RBPJ: variants seen among roughly 807,000 people sequenced by gnomAD.
The protein encoded by RBPJ is recombination signal binding protein for immunoglobulin kappa J region, also known as recombining binding protein suppressor of hairless.
Under a neutral mutation model 67.8 loss-of-function variants are expected in RBPJ, and 9 were observed. That is an observed-to-expected ratio of 0.13 (90% CI 0.08 to 0.23). The LOEUF is 0.23. Among genes scored for constraint, RBPJ ranks in the 10% least tolerant of loss-of-function variants. The pLI, the probability that RBPJ is intolerant of heterozygous loss-of-function variation, is 1.00. For missense variants in RBPJ, 305 were observed against 595.6 expected, an observed-to-expected ratio of 0.51 and a Z score of 5.08; for synonymous variants, 198 against 203.3, an observed-to-expected ratio of 0.97 and a Z score of 0.22.
At chr4:26,249,014 A>G (rs1404244930) in intron 1 of RBPJ, among the ~76,000 whole-genome samples, 2 of 152,234 alleles carry the variant, frequency 1.3e-5, no homozygotes, top group Non-Finnish European at 2.9e-5. Flanking sequence ...CAAGGTTTCA[A>G]AATATGAATT....
At chr4:26,186,707 G>A (rs1166320862) in intron 1 of RBPJ, among the ~76,000 whole-genome samples, 2 of 152,018 alleles carry the variant, frequency 1.3e-5, no homozygotes, top group Non-Finnish European at 2.9e-5. Context: ...TCTAGTATTC[G>A]CTAAAAAACA....
chr4:26,331,696 G>A (rs1724281977), intron 1 of RBPJ, among the ~76,000 whole-genome samples: 1 of 152,162 alleles, frequency 6.6e-6, no homozygotes, highest in Non-Finnish European at 1.5e-5. Context: ...CCTCCTCACT[G>A]CACACCTCCT....
chr4:26,419,454 C>T (rs1734907950), intron 4 of RBPJ, among the ~76,000 whole-genome samples: 1 of 152,042 alleles, frequency 6.6e-6, no homozygotes, highest in African/African-American at 2.4e-5. Flanking sequence ...TAAACTATTG[C>T]AGTAGTTTTG....
At chr4:26,356,898 TA>T (rs1280293778) in intron 1 of RBPJ, among the ~76,000 whole-genome samples, 1 of 152,230 alleles carries the variant, frequency 6.6e-6, no homozygotes, top group Non-Finnish European at 1.5e-5. Context: ...TTTTATCATA[TA>T]GCAGTGTCTG....
intron 1 of RBPJ, chr4:26,362,506 G>T (rs1728169937): frequency 7.1e-6 from 11 of 1,549,552 alleles, no homozygotes; most frequent in Non-Finnish European, 9.6e-6. Context: ...GAACCATTAT[G>T]ATCTCAAAAC....
chr4:26,388,545 A>G lies in RBPJ; in HGVS notation c.59+2154A>G, dbSNP rs150413932. On this transcript the variant is annotated intron_variant, in intron 2 of 10. Coordinates refer to ENST00000355476, the MANE Select transcript of RBPJ (RefSeq NM_015874.6). ...GGGTAGGATTTGGCCTACAGACTGT[A>G]ATTAGTAGAACCTGAGCTAGAGGAG... Among the ~76,000 whole-genome samples, 38 of 152,264 alleles carry G rather than the reference A, an allele frequency of 2.5e-4. No homozygotes were observed. The East Asian group carries it at 6.4e-3, about 26-fold the overall frequency.
At chr4:26,156,576 T>C in the RBPJ span, among the ~76,000 whole-genome samples, 3 of 151,606 alleles carry the variant, frequency 2.0e-5, no homozygotes, top group East Asian at 5.8e-4. Flanking sequence ...CCACCACTCA[T>C]GTCCAGCTAA....
chr4:26,252,979 C>T (rs1720163247), intron 1 of RBPJ, among the ~76,000 whole-genome samples: 2 of 152,136 alleles, frequency 1.3e-5, no homozygotes, highest in South Asian at 4.1e-4. Context: ...ATAATAATAC[C>T]AAACTTACAT....
At chr4:26,219,942 ATT>A (rs60883152) in intron 1 of RBPJ, among the ~76,000 whole-genome samples, 100 of 147,148 alleles carry the variant, frequency 6.8e-4, no homozygotes, top group Admixed American at 8.8e-4. Flanking sequence ...CGCCCAACTA[ATT>A]TTTTTTTTTT....
intron 1 of RBPJ, among the ~76,000 whole-genome samples, chr4:26,169,947 G>A (rs1164427955): frequency 6.6e-6 from 1 of 152,182 alleles, no homozygotes; most frequent in Admixed American, 6.5e-5. Flanking sequence ...ATTTGGGTGG[G>A]TGTGGCCCGA....
chr4:26,261,884 A>G (rs980189099), intron 1 of RBPJ, among the ~76,000 whole-genome samples: 1 of 152,188 alleles, frequency 6.6e-6, no homozygotes, highest in Non-Finnish European at 1.5e-5. Context: ...AGAACTTTTA[A>G]ATGACTGTTT....
intron 1 of RBPJ, among the ~76,000 whole-genome samples, chr4:26,271,759 T>G (rs1198326550): frequency 1.3e-5 from 2 of 152,192 alleles, no homozygotes; most frequent in Admixed American, 1.3e-4. Flanking sequence ...TCGCCTTCTA[T>G]GTGAAAGCCA....
At chr4:26,296,506 T>G (rs976813206) in intron 1 of RBPJ, among the ~76,000 whole-genome samples, 4 of 152,206 alleles carry the variant, frequency 2.6e-5, no homozygotes, top group Non-Finnish European at 5.9e-5. Flanking sequence ...GGCATTTATT[T>G]AATGATTTAT....
chr4:26,406,069 T>G, intron 2 of RBPJ, 106 bp from the exon 3 acceptor site: 1 of 668,330 alleles, frequency 1.5e-6, no homozygotes, highest in East Asian at 2.7e-5. Context: ...ATTTGCTTAT[T>G]TAAAAAATAT....
At chr4:26,155,472 T>C in the RBPJ span, among the ~76,000 whole-genome samples, 3 of 151,162 alleles carry the variant, frequency 2.0e-5, no homozygotes, top group Non-Finnish European at 4.4e-5. Context: ...TCTTGCTCTG[T>C]TGCCCAGGCT....
At chr4:26,324,972 A>C (rs1007308477) in intron 1 of RBPJ, among the ~76,000 whole-genome samples, 2 of 152,240 alleles carry the variant, frequency 1.3e-5, no homozygotes, top group African/African-American at 2.4e-5. Context: ...AAATTCTAAT[A>C]ACCATGACTA....
upstream of RBPJ, among the ~76,000 whole-genome samples, chr4:26,315,216 A>C (rs1210332462): frequency 1.5e-5 from 2 of 136,548 alleles, no homozygotes; most frequent in Non-Finnish European, 3.1e-5. Flanking sequence ...TGGGGAACCC[A>C]CCCCCAATTT....
At chr4:26,406,822 T>A (rs550073057) in intron 3 of RBPJ, among the ~76,000 whole-genome samples, 2 of 152,384 alleles carry the variant, frequency 1.3e-5, no homozygotes, top group Non-Finnish European at 2.9e-5. Flanking sequence ...GAGCTAAGAC[T>A]TGCCTGGGCC....
In RBPJ at chr4:26,244,240, T is replaced by C. The variant is rs1170750892; in HGVS notation, c.-167+80626T>C. ...ATATGTGTACACATATATGTGTCTA[T>C]ATATGTGTACACATACACATATGTG... On this transcript the variant is annotated intron_variant, in intron 1 of 4. Transcript: ENST00000512351. Among the ~76,000 whole-genome samples, 5 of 105,464 alleles carry C rather than the reference T, an allele frequency of 4.7e-5. 1 individual carries two copies. Among genetic ancestry groups the C allele is most frequent in the African/African-American group, 1.9e-4 (5 of 27,012 alleles). 69.2% of individuals were successfully genotyped at this position (105,464 alleles called of 152,430 possible). A position where few individuals can be genotyped will look rare whatever the true frequency, so the allele number is the denominator to read the frequency against.
Sources: gnomAD v4.1 joint callset for allele counts (sites outside exome capture counted in the v4.1 genomes callset) on GRCh38, gnomAD v4.1.1 for gene constraint, MANE v1.5 for transcripts, NCBI Gene and HGNC (gene_info 2026-07-23, HGNC 2026-07-21) for gene names.